HNF4G: variants seen among roughly 807,000 people sequenced by gnomAD.
HNF4G encodes hepatocyte nuclear factor 4-gamma.
HNF4G carries 21 observed loss-of-function variants against 50.9 expected under a neutral mutation model. That is an observed-to-expected ratio of 0.41 (90% confidence interval 0.29 to 0.59). HNF4G has a LOEUF of 0.59. Ranked by LOEUF, HNF4G falls within the 20% of genes least tolerant of loss-of-function variation. The pLI, the probability that HNF4G is intolerant of heterozygous loss-of-function variation, is 0.26. For missense variants in HNF4G, 527 were observed against 559.4 expected, an observed-to-expected ratio of 0.94 and a Z score of 0.58; for synonymous variants, 198 against 185.6, an observed-to-expected ratio of 1.07 and a Z score of -0.54.
At chr8:75,441,270 G>T (rs548154076) in intron 1 of HNF4G, among the ~76,000 whole-genome samples, 3 of 147,186 alleles carry the variant, frequency 2.0e-5, no homozygotes, top group South Asian at 4.2e-4. Context: ...TTCTGAGACA[G>T]AGTCTTTCAA....
chr8:75,558,884 C>A lies in HNF4G; in HGVS notation c.970C>A (p.Arg324=), dbSNP rs759216473. Residue 324 remains arginine, a synonymous_variant, in exon 8 of 10, where the codon CGG becomes AGG. Coordinates refer to ENST00000396423, the MANE Select transcript of HNF4G (RefSeq NM_004133.5). The part of the protein sequence containing the change: ...QIGLEDYIND[R]QYDSRGRFGE... ...CGGTTTGGAGGACTACATCAATGAT[C>A]GGCAGTATGACTCCCGGGGGAGGTT... 6.2e-7 allele frequency: 1 copy of A among 1,613,948 alleles called. No homozygotes were observed. The highest frequency in any genetic ancestry group is 8.5e-7 in the Non-Finnish European group (1 of 1,179,924).
At chr8:75,503,000 T>C (rs1812971674) in intron 2 of HNF4G, among the ~76,000 whole-genome samples, 1 of 152,196 alleles carries the variant, frequency 6.6e-6, no homozygotes, top group African/African-American at 2.4e-5. Flanking sequence ...CAGTTTTTAC[T>C]TGCATACACT....
intron 2 of HNF4G, among the ~76,000 whole-genome samples, chr8:75,513,421 T>C (rs1483327068): frequency 1.3e-5 from 2 of 152,226 alleles, no homozygotes; most frequent in Non-Finnish European, 2.9e-5. Flanking sequence ...AAAATGCCCA[T>C]CTTGTGATCA....
chr8:75,438,448 C>G (rs1453008002), intron 1 of HNF4G, among the ~76,000 whole-genome samples: 1 of 152,142 alleles, frequency 6.6e-6, no homozygotes, highest in Non-Finnish European at 1.5e-5. Context: ...TCCCTAACAT[C>G]CAACCCTGCT....
chr8:75,434,723 G>GA (rs2130529179), intron 1 of HNF4G, among the ~76,000 whole-genome samples: 1 of 149,028 alleles, frequency 6.7e-6, no homozygotes, highest in South Asian at 2.1e-4. Context: ...AATCAGGTAA[G>GA]AAAAGTGGGG....
chr8:75,522,225 T>C (rs1283933579), intron 2 of HNF4G, among the ~76,000 whole-genome samples: 1 of 152,254 alleles, frequency 6.6e-6, no homozygotes, highest in South Asian at 2.1e-4. Context: ...ACTTTTTTTA[T>C]ATGCCTATTA....
chr8:75,430,349 A>G (rs563650569), intron 1 of HNF4G, among the ~76,000 whole-genome samples: 11 of 152,204 alleles, frequency 7.2e-5, no homozygotes, highest in Admixed American at 3.3e-4. Context: ...TTTTGTAAAC[A>G]AATTTAGTTT....
chr8:75,458,014 TG>T (rs1231786935), intron 1 of HNF4G, among the ~76,000 whole-genome samples: 9 of 152,228 alleles, frequency 5.9e-5, no homozygotes, highest in Middle Eastern at 3.4e-3. Context: ...CTCACTATAT[TG>T]CCCAGGCTGG....
At chr8:75,489,193 C>T (rs1812564268) in intron 1 of HNF4G, among the ~76,000 whole-genome samples, 1 of 152,154 alleles carries the variant, frequency 6.6e-6, no homozygotes, top group South Asian at 2.1e-4. Flanking sequence ...CAAATTTTAC[C>T]TGAGTGCTTC....
At chr8:75,496,506 C>T (rs1215230695) in intron 2 of HNF4G, among the ~76,000 whole-genome samples, 1 of 152,000 alleles carries the variant, frequency 6.6e-6, no homozygotes, top group East Asian at 1.9e-4. Flanking sequence ...CATTTTCAAA[C>T]TCCTAGTTAT....
intron 6 of HNF4G, among the ~76,000 whole-genome samples, chr8:75,557,230 G>C (rs1026833548): frequency 2.6e-5 from 4 of 152,152 alleles, no homozygotes. Context: ...CATAAAGAAA[G>C]AGTGAAACTC....
chr8:75,558,791 C>A lies in HNF4G; in HGVS notation c.887-10C>A, dbSNP rs769393362. ...AAATCTGTACACTGCCTCTCTTATT[C>A]CTTTGTTAGATGCAAAAGGGCTAAG... On this transcript the variant is annotated splice_polypyrimidine_tract_variant and intron_variant, in intron 7 of 9. Transcript: ENST00000396423. The A allele has an allele frequency of 4.4e-6, 7 of 1,608,952 alleles. No individual in the cohort carries two copies. Among genetic ancestry groups the A allele is most frequent in the Non-Finnish European group, 6.0e-6 (7 of 1,175,494 alleles).
At chr8:75,558,417 G>C in intron 6 of HNF4G, 101 bp from the exon 7 acceptor site, 1 of 1,033,460 alleles carries the variant, frequency 9.7e-7, no homozygotes, top group Non-Finnish European at 1.4e-6. Context: ...TTCAAGGGTA[G>C]ACTATTTTAA....
At chr8:75,477,966 C>CA (rs528796140) in intron 1 of HNF4G, among the ~76,000 whole-genome samples, 24 of 149,420 alleles carry the variant, frequency 1.6e-4, no homozygotes, top group African/African-American at 4.7e-4. Context: ...AAACTCCGTT[C>CA]AAAAAAAGAA....
intron 1 of HNF4G, among the ~76,000 whole-genome samples, chr8:75,453,596 G>T (rs1307503590): frequency 6.9e-6 from 1 of 144,276 alleles, no homozygotes; most frequent in Non-Finnish European, 1.5e-5. Context: ...AATAAATCTT[G>T]CTGCTACTCA....
chr8:75,556,657 C>T lies in HNF4G; in HGVS notation c.733+588C>T, dbSNP rs548888312. 3.8e-4 allele frequency among the ~76,000 whole-genome samples: 58 copies of T among 152,164 alleles called. No homozygotes were observed. In the South Asian group the frequency reaches 4.1e-3, roughly 11 times the overall value. On this transcript the variant is annotated intron_variant, in intron 6 of 9. Transcript: ENST00000396423. The stretch of plus-strand genomic sequence containing the variant: ...TTGTCTTCATTAATTGCTCCAATCC[C>T]GCTACCTTACTTAACTTAAACAGTT...
chr8:75,562,245 A>G (rs991947507), intron 9 of HNF4G, among the ~76,000 whole-genome samples: 4 of 152,172 alleles, frequency 2.6e-5, no homozygotes, highest in Admixed American at 6.6e-5. Flanking sequence ...GCGTGCTACC[A>G]TGCCATCTTT....
At chr8:75,503,251 A>G (rs1411831211) in intron 2 of HNF4G, among the ~76,000 whole-genome samples, 1 of 152,196 alleles carries the variant, frequency 6.6e-6, no homozygotes, top group African/African-American at 2.4e-5. Flanking sequence ...TTGGGCAATT[A>G]CTAAATGCTC....
At chr8:75,562,399 A>G (rs1343645148) in intron 9 of HNF4G, among the ~76,000 whole-genome samples, 1 of 152,204 alleles carries the variant, frequency 6.6e-6, no homozygotes, top group African/African-American at 2.4e-5. Context: ...TTTCCAATGT[A>G]CTTGAAAGAC....
Sources: gnomAD v4.1 joint callset for allele counts (sites outside exome capture counted in the v4.1 genomes callset) on GRCh38, gnomAD v4.1.1 for gene constraint, MANE v1.5 for transcripts, NCBI Gene and HGNC (gene_info 2026-07-23, HGNC 2026-07-21) for gene names.